The following VWA3B variants were observed in gnomAD, a reference collection of about 807,000 sequenced individuals.
The protein encoded by VWA3B is von Willebrand factor A domain-containing protein 3B.
A neutral mutation model predicts 158.3 loss-of-function variants in VWA3B; 138 were observed. That is an observed-to-expected ratio of 0.87 (90% CI 0.76 to 1.00). The LOEUF (loss-of-function observed/expected upper bound fraction) is 1.00, where lower values mean the gene tolerates loss of function less well. VWA3B is among the 50% of genes least tolerant of loss of function. The pLI is 0.00. For missense variants in VWA3B, 1,555 were observed against 1,565.1 expected (o/e 0.99, Z 0.11); for synonymous variants, 596 against 587.3 (o/e 1.01, Z -0.21).
the VWA3B span, among the ~76,000 whole-genome samples, chr2:98,321,994 G>A: frequency 6.6e-6 from 1 of 152,148 alleles, no homozygotes; most frequent in South Asian, 2.1e-4. Flanking sequence ...AGTCTCATGA[G>A]AGCTGATGAT....
intron 19 of VWA3B, among the ~76,000 whole-genome samples, chr2:98,244,410 T>C (rs981633190): frequency 2.0e-5 from 3 of 152,180 alleles, no homozygotes; most frequent in African/African-American, 7.2e-5. Context: ...TTGTGAATAG[T>C]TTTCTTATGT....
chr2:98,166,448 C>G (rs1207237423), intron 8 of VWA3B, among the ~76,000 whole-genome samples: 6 of 152,142 alleles, frequency 3.9e-5, no homozygotes, highest in African/African-American at 9.7e-5. Flanking sequence ...GGAGAGACAC[C>G]TGCGAGCCCT....
At chr2:98,108,217 C>A (rs1363390253) in intron 2 of VWA3B, among the ~76,000 whole-genome samples, 1 of 152,210 alleles carries the variant, frequency 6.6e-6, no homozygotes, top group East Asian at 1.9e-4. Context: ...CCATCTTGGA[C>A]AGAGCACGTA....
At position 98,259,886 on chromosome 2, in the gene VWA3B, G is replaced by C. The variant is rs536039055; in HGVS notation, c.2843+3712G>C. Among the ~76,000 whole-genome samples the C allele has an allele frequency of 5.0e-4, 76 of 151,740 alleles. 1 individual carries two copies. The highest frequency in any genetic ancestry group is 1.7e-3 in the African/African-American group (72 of 41,444). On this transcript the variant is annotated intron_variant, in intron 21 of 27. Transcript: ENST00000477737. Reference sequence around the variant, plus strand: ...AATTTACAGTCATAAAACTTCTTCTGAGCACTGGCTTTGCTGCACCCATAA... The same window carrying C: ...AATTTACAGTCATAAAACTTCTTCTCAGCACTGGCTTTGCTGCACCCATAA...
At chr2:98,293,699 A>G (rs1689628330) in intron 23 of VWA3B, among the ~76,000 whole-genome samples, 1 of 152,140 alleles carries the variant, frequency 6.6e-6, no homozygotes, top group Non-Finnish European at 1.5e-5. Flanking sequence ...ATGTTACTTT[A>G]TCCCTTAACA....
chr2:98,329,374 A>T, the VWA3B span, among the ~76,000 whole-genome samples: 2 of 152,346 alleles, frequency 1.3e-5, no homozygotes, highest in East Asian at 1.9e-4. Flanking sequence ...TCAAAAAAAG[A>T]TACTAACAAG....
chr2:98,203,676 G>A (rs2105490018), intron 12 of VWA3B, among the ~76,000 whole-genome samples: 1 of 152,260 alleles, frequency 6.6e-6, no homozygotes, highest in East Asian at 1.9e-4. Flanking sequence ...GTAATTTTTT[G>A]GAGCAATTGT....
intron 12 of VWA3B, among the ~76,000 whole-genome samples, chr2:98,195,050 T>C (rs116007232): frequency 0.014 from 2,183 of 152,340 alleles, 55 homozygotes; most frequent in African/African-American, 0.05. Flanking sequence ...TTGCCCTAAA[T>C]TTTCTTATCT....
intron 17 of VWA3B, among the ~76,000 whole-genome samples, chr2:98,236,122 A>C (rs916334516): frequency 6.6e-6 from 1 of 152,186 alleles, no homozygotes; most frequent in Non-Finnish European, 1.5e-5. Context: ...CACTTTTTAG[A>C]GGTGTGTTTT....
At chr2:98,256,334 G>A (rs1687143749) in intron 21 of VWA3B, among the ~76,000 whole-genome samples, 160 bp downstream of exon 21, 1 of 151,808 alleles carries the variant, frequency 6.6e-6, no homozygotes, top group Non-Finnish European at 1.5e-5. Context: ...CATTACCCCA[G>A]AAAATCACTT....
chr2:98,098,928 A>G (rs1334160861), intron 2 of VWA3B, among the ~76,000 whole-genome samples: 4 of 152,158 alleles, frequency 2.6e-5, no homozygotes, highest in Admixed American at 2.6e-4. Context: ...TATAGTTATA[A>G]GAAGTTATTT....
intron 12 of VWA3B, among the ~76,000 whole-genome samples, chr2:98,194,748 G>A (rs1315680581): frequency 1.3e-5 from 2 of 152,066 alleles, no homozygotes. Flanking sequence ...GGCTCAGGTT[G>A]AAGCCCCCTT....
At chr2:98,266,517 T>G (rs1276036413) in intron 21 of VWA3B, among the ~76,000 whole-genome samples, 1 of 149,788 alleles carries the variant, frequency 6.7e-6, no homozygotes, top group African/African-American at 2.5e-5. Context: ...TAGGATTGAC[T>G]TGGCGATGCG....
chr2:98,215,890 T>C (rs1417532389), intron 13 of VWA3B, among the ~76,000 whole-genome samples: 7 of 152,106 alleles, frequency 4.6e-5, no homozygotes. Context: ...GTGGTCTATT[T>C]TTTTTTCATT....
intron 8 of VWA3B, among the ~76,000 whole-genome samples, chr2:98,178,295 G>A (rs543016539): frequency 1.3e-5 from 2 of 152,312 alleles, no homozygotes; most frequent in South Asian, 4.1e-4. Flanking sequence ...TTGATGCAAG[G>A]TTGGTTTAAA....
At chr2:98,161,424 AG>A (rs1361568999) in intron 7 of VWA3B, among the ~76,000 whole-genome samples, 1 of 152,152 alleles carries the variant, frequency 6.6e-6, no homozygotes, top group Non-Finnish European at 1.5e-5. Flanking sequence ...TGACTCCATC[AG>A]GGGGTGTGCT....
At position 98,212,023 on chromosome 2, in the gene VWA3B, G is replaced by A. The variant is rs752292579; in HGVS notation, c.1831G>A (p.Asp611Asn). ...AIYLLTDGRP[D>N]QPPETVIDQV... ...CTACCTTCTGACCGATGGGAGACCTGATCAGGTACTTACCAGAGCTGGGAA... is the reference window on the plus strand; with the variant it reads ...CTACCTTCTGACCGATGGGAGACCTAATCAGGTACTTACCAGAGCTGGGAA... Residue 611 changes from aspartate to asparagine, a missense_variant, in exon 13 of 28, where the codon GAT becomes AAT. Coordinates refer to ENST00000477737, the MANE Select transcript of VWA3B (RefSeq NM_144992.5). 6.2e-7 allele frequency: 1 copy of A among 1,613,912 alleles called. No individual in the cohort carries two copies. Among genetic ancestry groups the A allele is most frequent in the Non-Finnish European group, 8.5e-7 (1 of 1,179,852 alleles).
chr2:98,167,060 C>T (rs1416542347), intron 8 of VWA3B, among the ~76,000 whole-genome samples: 1 of 152,058 alleles, frequency 6.6e-6, no homozygotes, highest in African/African-American at 2.4e-5. Flanking sequence ...CTTGGAAGGC[C>T]TCCTAGGAAG....
At chr2:98,308,122 G>A (rs1690641587) in intron 26 of VWA3B, among the ~76,000 whole-genome samples, 1 of 152,148 alleles carries the variant, frequency 6.6e-6, no homozygotes, top group Non-Finnish European at 1.5e-5. Context: ...AAAAAAACAA[G>A]ATTGGCTTAT....
Sources: gnomAD v4.1 joint callset for allele counts (sites outside exome capture counted in the v4.1 genomes callset) on GRCh38, gnomAD v4.1.1 for gene constraint, MANE v1.5 for transcripts, NCBI Gene and HGNC (gene_info 2026-07-23, HGNC 2026-07-21) for gene names.